Variants in FHIT observed in about 807,000 individuals in gnomAD.
FHIT encodes bis(5'-adenosyl)-triphosphatase.
FHIT carries 19 observed loss-of-function variants against 17.9 expected under a neutral mutation model. That is an observed-to-expected ratio of 1.06 (90% CI 0.74 to 1.56). The LOEUF is 1.56. Ranked by LOEUF, FHIT falls within the 40% of genes most tolerant of loss-of-function variation. The probability of loss-of-function intolerance (pLI) is 0.00; values close to 1 mark genes in which losing one functional copy is unlikely to be tolerated. For missense variants in FHIT, 248 were observed against 189.2 expected, an observed-to-expected ratio of 1.31 and a Z score of -1.82; for synonymous variants, 81 against 69.7, an observed-to-expected ratio of 1.16 and a Z score of -0.81.
chr3:59,823,647 T>C (rs897447964), intron 8 of FHIT, among the ~76,000 whole-genome samples: 1 of 152,170 alleles, frequency 6.6e-6, no homozygotes, highest in Non-Finnish European at 1.5e-5. Context: ...AAATCCAGCA[T>C]TGCTTTATGA....
intron 5 of FHIT, among the ~76,000 whole-genome samples, chr3:60,459,959 C>A (rs1382680020): frequency 2.6e-5 from 4 of 152,132 alleles, no homozygotes; most frequent in Non-Finnish European, 5.9e-5. Flanking sequence ...TATATGCCCA[C>A]CAGACAAGAT....
intron 4 of FHIT, among the ~76,000 whole-genome samples, chr3:60,629,723 T>G (rs2107769763): frequency 6.6e-6 from 1 of 152,332 alleles, no homozygotes; most frequent in East Asian, 1.9e-4. Flanking sequence ...CTGTTTTTCT[T>G]TTGTTCTGTT....
At chr3:60,488,985 C>G (rs1030157666) in intron 5 of FHIT, among the ~76,000 whole-genome samples, 1 of 152,154 alleles carries the variant, frequency 6.6e-6, no homozygotes, top group South Asian at 2.1e-4. Context: ...ACACTTTCTG[C>G]TACAGAGATT....
chr3:59,994,244 T>A (rs1371719648), intron 7 of FHIT, among the ~76,000 whole-genome samples: 1 of 152,140 alleles, frequency 6.6e-6, no homozygotes, highest in Non-Finnish European at 1.5e-5. Flanking sequence ...TAAGCCACTG[T>A]AAAGTACTGT....
intron 5 of FHIT, among the ~76,000 whole-genome samples, chr3:60,133,532 A>C (rs1215249156): frequency 6.6e-6 from 1 of 152,106 alleles, no homozygotes; most frequent in African/African-American, 2.4e-5. Flanking sequence ...TAAATCACAC[A>C]GGGAGAAGTG....
intron 3 of FHIT, among the ~76,000 whole-genome samples, chr3:60,883,888 T>C (rs1705086725): frequency 6.6e-6 from 1 of 152,150 alleles, no homozygotes; most frequent in African/African-American, 2.4e-5. Context: ...AAAAAGCATC[T>C]GTACAGCAAA....
chr3:59,904,120 G>A (rs67183715), intron 8 of FHIT, among the ~76,000 whole-genome samples: 94,441 of 147,172 alleles, frequency 0.64, 30,407 homozygotes, highest in East Asian at 0.73. Flanking sequence ...GTTCTAAAGG[G>A]GCTATTTCTT....
chr3:60,131,802 T>C (rs997159351), intron 5 of FHIT, among the ~76,000 whole-genome samples: 4 of 152,012 alleles, frequency 2.6e-5, no homozygotes, highest in African/African-American at 7.2e-5. Flanking sequence ...CTCAGTCCAT[T>C]CTCCACACTG....
In FHIT at chr3:60,094,948, T is replaced by C. The variant is rs185289557; in HGVS notation, c.104-80796A>G. On this transcript the variant is annotated intron_variant, in intron 5 of 9. Transcript: ENST00000492590. ...GACAACTCTGAACGGACTTGAATTT[T>C]AGGATTCATCCCTAGAGTCTTGATC... Among the ~76,000 whole-genome samples, 431 of 152,320 alleles carry C rather than the reference T, an allele frequency of 2.8e-3. 3 individuals carry two copies. Among genetic ancestry groups the C allele is most frequent in the African/African-American group, 9.0e-3 (374 of 41,580 alleles).
intron 3 of FHIT, among the ~76,000 whole-genome samples, chr3:60,947,653 C>T (rs368344197): frequency 2.6e-5 from 4 of 152,156 alleles, no homozygotes; most frequent in South Asian, 4.1e-4. Flanking sequence ...GCCCACCCAA[C>T]CACACACACA....
At chr3:60,695,593 G>A (rs925336513) in intron 4 of FHIT, among the ~76,000 whole-genome samples, 1 of 152,076 alleles carries the variant, frequency 6.6e-6, no homozygotes, top group Non-Finnish European at 1.5e-5. Context: ...TTACCTCACT[G>A]GCTGCTTTGG....
chr3:61,125,867 G>C (rs966390131), intron 2 of FHIT, among the ~76,000 whole-genome samples: 9 of 152,168 alleles, frequency 5.9e-5, no homozygotes, highest in Admixed American at 4.6e-4. Flanking sequence ...TATTTCTGGA[G>C]TATCAATCAT....
chr3:60,110,460 C>T (rs1020518980), intron 5 of FHIT, among the ~76,000 whole-genome samples: 6 of 152,094 alleles, frequency 3.9e-5, no homozygotes, highest in Admixed American at 3.9e-4. Flanking sequence ...AGTCTTCTCA[C>T]CCTAATGAAT....
At chr3:61,134,035 G>A (rs2106965393) in intron 2 of FHIT, among the ~76,000 whole-genome samples, 1 of 151,532 alleles carries the variant, frequency 6.6e-6, no homozygotes, top group Admixed American at 6.6e-5. Flanking sequence ...GTTGCAGTGA[G>A]CTGAGATCGC....
intron 3 of FHIT, among the ~76,000 whole-genome samples, chr3:61,019,849 T>A (rs1440604450): frequency 6.6e-6 from 1 of 152,190 alleles, no homozygotes; most frequent in East Asian, 1.9e-4. Context: ...AACATCTTCA[T>A]TTATTCATAT....
intron 2 of FHIT, among the ~76,000 whole-genome samples, chr3:61,086,832 G>T (rs535096027): frequency 6.6e-6 from 1 of 151,908 alleles, no homozygotes; most frequent in Admixed American, 6.6e-5. Flanking sequence ...CTTCCTCCTT[G>T]AATTTGCTAA....
intron 3 of FHIT, among the ~76,000 whole-genome samples, chr3:60,900,076 G>A (rs550182005): frequency 6.6e-6 from 1 of 152,286 alleles, no homozygotes; most frequent in South Asian, 2.1e-4. Flanking sequence ...GTTGGGGGCA[G>A]CTTCAAGATA....
At chr3:60,378,038 G>GT (rs1007447928) in intron 5 of FHIT, among the ~76,000 whole-genome samples, 2 of 151,998 alleles carry the variant, frequency 1.3e-5, no homozygotes, top group Non-Finnish European at 2.9e-5. Flanking sequence ...TTGTTTGTTT[G>GT]TTTTTTGAGA....
chr3:60,890,763 T>C (rs557345190), intron 3 of FHIT, among the ~76,000 whole-genome samples: 143 of 152,326 alleles, frequency 9.4e-4, no homozygotes, highest in African/African-American at 3.3e-3. Context: ...CTAGGACAGA[T>C]GATTAAGTTA....
Sources: gnomAD v4.1 joint callset for allele counts (sites outside exome capture counted in the v4.1 genomes callset) on GRCh38, gnomAD v4.1.1 for gene constraint, MANE v1.5 for transcripts, NCBI Gene and HGNC (gene_info 2026-07-23, HGNC 2026-07-21) for gene names.